GRXCR2: variants seen among roughly 807,000 people sequenced by gnomAD.
GRXCR2 encodes glutaredoxin domain-containing cysteine-rich protein 2.
A neutral mutation model predicts 24.8 loss-of-function variants in GRXCR2; 23 were observed. The observed-to-expected ratio is 0.93, with a 90% CI of 0.67 to 1.32. The LOEUF (loss-of-function observed/expected upper bound fraction) is 1.32. Ranked by LOEUF, GRXCR2 falls within the 40% of genes most tolerant of loss-of-function variation. GRXCR2 has a pLI of 0.00. For synonymous variants in GRXCR2, 130 were observed against 116.1 expected (o/e 1.12, Z -0.77); for missense variants, 315 against 303.4 (o/e 1.04, Z -0.28).
At position 145,873,000 on chromosome 5, in the gene GRXCR2, T is replaced by A; in HGVS notation, c.-32A>T. On this transcript the variant is annotated 5_prime_UTR_variant, in exon 1 of 3. In the 5' UTR this introduces an upstream ATG that the reference lacks. Transcript: ENST00000377976. ...AAAGTTGACCCTGTGGTCTCCAGCC[T>A]TCCGTGCAGCCGGTGAAACTTGGGC... is the stretch of plus-strand genomic sequence containing the variant. 6.3e-7 allele frequency: 1 copy of A among 1,585,936 alleles called. No homozygotes were observed. Among genetic ancestry groups the A allele is most frequent in the East Asian group, 2.2e-5 (1 of 44,664 alleles).
At chr5:145,910,587 T>C (rs1223816559) in intron 2 of GRXCR2, among the ~76,000 whole-genome samples, 1 of 152,194 alleles carries the variant, frequency 6.6e-6, no homozygotes, top group Non-Finnish European at 1.5e-5. Context: ...ACTTTCGTAG[T>C]ACATATGATT....
At chr5:145,904,942 T>C (rs1474313096) in intron 2 of GRXCR2, among the ~76,000 whole-genome samples, 1 of 151,992 alleles carries the variant, frequency 6.6e-6, no homozygotes, top group Non-Finnish European at 1.5e-5. Flanking sequence ...AACAGCTAGG[T>C]CCAAAAGGAA....
chr5:145,906,555 A>C (rs1757091903), intron 2 of GRXCR2, among the ~76,000 whole-genome samples: 1 of 152,178 alleles, frequency 6.6e-6, no homozygotes, highest in Non-Finnish European at 1.5e-5. Context: ...CATTTCCCTG[A>C]ATTTCCAACA....
intron 2 of GRXCR2, among the ~76,000 whole-genome samples, chr5:145,917,854 A>G (rs1757262421): frequency 6.6e-6 from 1 of 152,172 alleles, no homozygotes; most frequent in Admixed American, 6.5e-5. Context: ...ATCTTGGCTC[A>G]CTGCAACCTC....
At chr5:145,897,173 T>C (rs1324680166) in intron 2 of GRXCR2, among the ~76,000 whole-genome samples, 2 of 151,490 alleles carry the variant, frequency 1.3e-5, no homozygotes, top group East Asian at 1.9e-4. Flanking sequence ...ATACACCTAA[T>C]GTTAAATGAT....
chr5:145,920,166 G>T (rs1318331278), intron 2 of GRXCR2, among the ~76,000 whole-genome samples: 1 of 152,188 alleles, frequency 6.6e-6, no homozygotes, highest in African/African-American at 2.4e-5. Flanking sequence ...CCGGGTGGGG[G>T]TGTCTACACT....
At chr5:145,859,980 A>G in intron 2 of GRXCR2, 65 bp from the exon 3 acceptor site, 1 of 1,328,418 alleles carries the variant, frequency 7.5e-7, no homozygotes, top group Non-Finnish European at 1.0e-6. Flanking sequence ...CATGCAGGTC[A>G]AAACAGCACT....
chr5:145,869,256 C>G (rs1018114001), intron 1 of GRXCR2, among the ~76,000 whole-genome samples: 8 of 152,162 alleles, frequency 5.3e-5, no homozygotes, highest in Non-Finnish European at 1.2e-4. Flanking sequence ...TTTTTCCAAT[C>G]TGTAAAACAC....
chr5:145,867,287 C>G (rs532907480), intron 1 of GRXCR2, among the ~76,000 whole-genome samples: 1 of 152,194 alleles, frequency 6.6e-6, no homozygotes, highest in Admixed American at 6.5e-5. Flanking sequence ...GGGTTAAGTG[C>G]CCCACCAAGG....
chr5:145,884,310 G>T (rs1276788019), intron 2 of GRXCR2, among the ~76,000 whole-genome samples: 1 of 151,994 alleles, frequency 6.6e-6, no homozygotes, highest in South Asian at 2.1e-4. Context: ...AAAAAATGTT[G>T]CAGATAGAAG....
intron 2 of GRXCR2, among the ~76,000 whole-genome samples, chr5:145,891,049 T>C (rs1229742083): frequency 6.6e-6 from 1 of 152,128 alleles, no homozygotes; most frequent in Non-Finnish European, 1.5e-5. Context: ...AAGGGTTCAA[T>C]TCAACAAGAA....
At chr5:145,862,192 AC>A (rs1756349611) in intron 2 of GRXCR2, among the ~76,000 whole-genome samples, 1 of 152,250 alleles carries the variant, frequency 6.6e-6, no homozygotes, top group Non-Finnish European at 1.5e-5. Flanking sequence ...TAAAATCCTA[AC>A]ATAATGCTAT....
chr5:145,878,561 C>T (rs971624275), intron 2 of GRXCR2, among the ~76,000 whole-genome samples: 1 of 151,836 alleles, frequency 6.6e-6, no homozygotes, highest in African/African-American at 2.4e-5. Context: ...AAGACCAAAT[C>T]GACATTTGAT....
chr5:145,896,946 A>C (rs1250445419), intron 2 of GRXCR2, among the ~76,000 whole-genome samples: 1 of 152,070 alleles, frequency 6.6e-6, no homozygotes, highest in East Asian at 1.9e-4. Context: ...ATGGAATACT[A>C]TGCAGCCATA....
intron 1 of GRXCR2, among the ~76,000 whole-genome samples, chr5:145,869,869 G>A (rs923944060): frequency 6.6e-6 from 1 of 151,942 alleles, no homozygotes; most frequent in Non-Finnish European, 1.5e-5. Context: ...AGCTTCTTAT[G>A]TGTTATCTTT....
At chr5:145,929,661 T>C (rs1344589370) in intron 2 of GRXCR2, among the ~76,000 whole-genome samples, 1 of 152,208 alleles carries the variant, frequency 6.6e-6, no homozygotes, top group Non-Finnish European at 1.5e-5. Flanking sequence ...CTAGTAATAA[T>C]AGAATGGAAA....
At chr5:145,915,796 T>C (rs1757229234) in intron 2 of GRXCR2, among the ~76,000 whole-genome samples, 2 of 152,134 alleles carry the variant, frequency 1.3e-5, no homozygotes, top group South Asian at 2.1e-4. Context: ...GCTGTGTGTC[T>C]TTGGACATTT....
chr5:145,928,074 C>T (rs1234540067), intron 2 of GRXCR2, among the ~76,000 whole-genome samples: 1 of 151,884 alleles, frequency 6.6e-6, no homozygotes, highest in Non-Finnish European at 1.5e-5. Flanking sequence ...CAAACAACCC[C>T]ATCAAAAAGT....
At chr5:145,920,324 T>C (rs937593218) in intron 2 of GRXCR2, among the ~76,000 whole-genome samples, 1 of 152,200 alleles carries the variant, frequency 6.6e-6, no homozygotes, top group Admixed American at 6.5e-5. Context: ...CTGCCCAGAT[T>C]GAACTAGAAA....
Sources: allele counts gnomAD v4.1 joint callset (sites outside exome capture counted in the v4.1 genomes callset), GRCh38; gene constraint gnomAD v4.1.1; transcripts MANE v1.5; gene names NCBI Gene and HGNC (gene_info 2026-07-23, HGNC 2026-07-21).